Variants in MERTK observed in about 807,000 individuals in gnomAD.
MERTK encodes the protein MER proto-oncogene, tyrosine kinase.
Under a neutral mutation model 99.3 loss-of-function variants are expected in MERTK, and 69 were observed. The ratio of observed to expected loss-of-function variants is 0.70; its 90% CI spans 0.57 to 0.85. The LOEUF (loss-of-function observed/expected upper bound fraction) is 0.85, where lower values mean the gene tolerates loss of function less well. Among genes scored for constraint, MERTK ranks in the 40% least tolerant of loss-of-function variants. The pLI is 0.00. For missense variants in MERTK, 1,125 were observed against 1,249.4 expected (o/e 0.90, Z 1.50); for synonymous variants, 426 against 467.6 (o/e 0.91, Z 1.15).
chr2:111,974,769 C>CAAAAAAAAA (rs35594851), intron 6 of MERTK, among the ~76,000 whole-genome samples: 24 of 53,168 alleles, frequency 4.5e-4, no homozygotes, highest in East Asian at 2.4e-3. Context: ...AGGTCCATCT[C>CAAAAAAAAA]AAAAAAAAAA....
intron 15 of MERTK, among the ~76,000 whole-genome samples, chr2:112,017,831 T>G (rs767737347): frequency 6.6e-6 from 1 of 151,990 alleles, no homozygotes; most frequent in East Asian, 1.9e-4. Context: ...GGAGGGGTGA[T>G]AAAACAGGAA....
chr2:111,973,887 ACTG>A (rs1382275063), intron 6 of MERTK, among the ~76,000 whole-genome samples: 165 of 151,298 alleles, frequency 1.1e-3, no homozygotes, highest in Non-Finnish European at 1.8e-3. Flanking sequence ...ATGTGGAGAG[ACTG>A]GTGGAGTTAT....
At chr2:111,930,127 G>C (rs575731474) in intron 2 of MERTK, 5 of 152,544 alleles carry the variant, frequency 3.3e-5, no homozygotes, top group African/African-American at 1.2e-4. Context: ...AAGTACAGCT[G>C]GACCCAAGAG....
At chr2:111,980,324 T>C (rs1434770348) in intron 7 of MERTK, among the ~76,000 whole-genome samples, 2 of 151,692 alleles carry the variant, frequency 1.3e-5, no homozygotes, top group Non-Finnish European at 2.9e-5. Context: ...CTTCAGAGAA[T>C]AAATCACCCT....
At chr2:111,948,880 G>A (rs1293022734) in intron 4 of MERTK, among the ~76,000 whole-genome samples, 1 of 151,970 alleles carries the variant, frequency 6.6e-6, no homozygotes, top group Non-Finnish European at 1.5e-5. Context: ...GTCTTAGACT[G>A]TCACCCAGTC....
chr2:111,993,345 GAGTGACCAGGAAATAA>G (rs1477617045), intron 8 of MERTK, among the ~76,000 whole-genome samples: 1 of 152,118 alleles, frequency 6.6e-6, no homozygotes, highest in African/African-American at 2.4e-5. Context: ...GCTTGAGAGT[GAGTGACCAGGAAATAA>G]AGTTACCAAT....
chr2:111,950,178 C>T (rs944109840), intron 4 of MERTK, among the ~76,000 whole-genome samples: 6 of 152,122 alleles, frequency 3.9e-5, no homozygotes, highest in South Asian at 2.1e-4. Flanking sequence ...TTAAATGATC[C>T]GACCGCCTCC....
intron 15 of MERTK, among the ~76,000 whole-genome samples, chr2:112,017,135 T>C (rs1677233174): frequency 6.6e-6 from 1 of 152,212 alleles, no homozygotes; most frequent in South Asian, 2.1e-4. Context: ...CACATCCTGC[T>C]GATTAGTCCA....
chr2:111,938,237 T>C (rs887459633), intron 2 of MERTK, among the ~76,000 whole-genome samples: 3 of 146,578 alleles, frequency 2.0e-5, no homozygotes, highest in Non-Finnish European at 4.5e-5. Context: ...CCACTGTACC[T>C]AGCTGTTTTT....
intron 1 of MERTK, among the ~76,000 whole-genome samples, chr2:111,903,098 T>C (rs1684075939): frequency 6.6e-6 from 1 of 152,164 alleles, no homozygotes; most frequent in Admixed American, 6.6e-5. Context: ...TGTTTACTCC[T>C]TTTCCTCCAC....
intron 1 of MERTK, among the ~76,000 whole-genome samples, chr2:111,921,855 A>G (rs1309568704): frequency 6.6e-6 from 1 of 152,006 alleles, no homozygotes; most frequent in Non-Finnish European, 1.5e-5. Context: ...GGCCTCCCAA[A>G]GTGCTGGGAG....
intron 4 of MERTK, among the ~76,000 whole-genome samples, chr2:111,958,708 T>C (rs1483511435): frequency 2.6e-5 from 4 of 152,206 alleles, no homozygotes; most frequent in Admixed American, 2.0e-4. Context: ...GAGAAATGAC[T>C]GTCCATTTGA....
rs1361259046 is a variant in MERTK, at chr2:112,028,555, C to T, written c.2691C>T (p.Ile897=). The T allele has an allele frequency of 6.8e-6, 11 of 1,614,046 alleles. No homozygotes were observed. Among genetic ancestry groups the T allele is most frequent in the African/African-American group, 4.0e-5 (3 of 74,900 alleles). ...GSTLAPLDLN[I]DPDSIIASCT... is the part of the protein sequence containing the mutation. ...CCCTTGCTCCACTGGACTTGAACAT[C>T]GACCCTGACTCTATAATTGCCTCCT... is the stretch of plus-strand genomic sequence containing the variant. Residue 897 remains isoleucine, a synonymous_variant, in exon 19 of 19, where the codon ATC becomes ATT. Coordinates refer to ENST00000295408, the MANE Select transcript of MERTK (RefSeq NM_006343.3).
intron 1 of MERTK, among the ~76,000 whole-genome samples, chr2:111,916,272 C>T (rs1014183812): frequency 5.9e-5 from 9 of 152,060 alleles, no homozygotes; most frequent in African/African-American, 1.9e-4. Context: ...GGATTACAGG[C>T]GAGAGCCACC....
rs1684778176 is a variant in MERTK at position 111,937,116 on chromosome 2, T to A, written c.482+7576T>A. Among the ~76,000 whole-genome samples the A allele has an allele frequency of 2.0e-5, 3 of 152,116 alleles. No individual in the cohort carries two copies. The South Asian group carries it at 6.2e-4, about 32-fold the overall frequency. ...TAGTTCCCAGTGGCTAAAGCTGGAA[T>A]GATTCTACTGTTTCATTAAATTTTC... On this transcript the variant is annotated intron_variant, in intron 2 of 18. Transcript: ENST00000295408.
At chr2:111,994,770 C>A (rs1304617182) in intron 9 of MERTK, 3 of 228,404 alleles carry the variant, frequency 1.3e-5, no homozygotes, top group South Asian at 6.1e-5. Context: ...AGAGTGAGAC[C>A]CTGTCTCAAA....
At chr2:111,937,494 G>C (rs992889559) in intron 2 of MERTK, among the ~76,000 whole-genome samples, 1 of 152,082 alleles carries the variant, frequency 6.6e-6, no homozygotes, top group Non-Finnish European at 1.5e-5. Context: ...CTGACATCCT[G>C]TTTCCTTTGG....
At chr2:111,981,184 G>T (rs1676365000) in intron 7 of MERTK, among the ~76,000 whole-genome samples, 1 of 152,134 alleles carries the variant, frequency 6.6e-6, no homozygotes, top group Non-Finnish European at 1.5e-5. Flanking sequence ...CTGAAATATA[G>T]AATTTAACCT....
At chr2:111,942,858 G>T (rs774728133) in intron 2 of MERTK, among the ~76,000 whole-genome samples, 23 of 152,184 alleles carry the variant, frequency 1.5e-4, no homozygotes, top group South Asian at 4.1e-4. Context: ...CTGACCCCCC[G>T]AGTTCTGACT....
Sources: gnomAD v4.1 joint callset for allele counts (sites outside exome capture counted in the v4.1 genomes callset) on GRCh38, gnomAD v4.1.1 for gene constraint, MANE v1.5 for transcripts, NCBI Gene and HGNC (gene_info 2026-07-23, HGNC 2026-07-21) for gene names.